Variants in CETP observed in about 807,000 individuals in gnomAD.
CETP encodes the protein cholesteryl ester transfer protein, also known as BPI fold containing family F.
In CETP, 56 loss-of-function variants were observed where a neutral mutation model predicts 66.5. The observed-to-expected ratio is 0.84, with a 90% CI of 0.68 to 1.05. The LOEUF is 1.05. Ranked by LOEUF, CETP falls within the 50% of genes least tolerant of loss-of-function variation. CETP has a pLI of 0.00. For missense variants in CETP, 612 were observed against 609.6 expected, an observed-to-expected ratio of 1.00 and a Z score of -0.04; for synonymous variants, 251 against 245.7, an observed-to-expected ratio of 1.02 and a Z score of -0.20.
Position 56,971,122 on chromosome 16 carries a change from T to A in CETP, c.597+20T>A, listed in dbSNP as rs1446794266. 1 of 1,611,726 alleles carries A rather than the reference T, an allele frequency of 6.2e-7. No individual in the cohort carries two copies. On this transcript the variant is annotated intron_variant, in intron 6 of 15. Transcript: ENST00000200676. ...GGACAGGTGAGTGAGGCTGGCTGAC[T>A]CCCTGTGGTCCAGGGCCATGCCCAG...
chr16:56,968,036 G>A (rs2056080766), intron 2 of CETP, among the ~76,000 whole-genome samples: 1 of 151,132 alleles, frequency 6.6e-6, no homozygotes, highest in Non-Finnish European at 1.5e-5. Flanking sequence ...TATACCAGAA[G>A]TCTTTGCCAA....
chr16:56,980,254 T>G (rs1320624486), intron 11 of CETP, among the ~76,000 whole-genome samples: 1 of 152,174 alleles, frequency 6.6e-6, no homozygotes, highest in Non-Finnish European at 1.5e-5. Context: ...GTTGTTTGTT[T>G]GTTTGTTTGT....
At chr16:56,971,724 A>C (rs573068767) in intron 7 of CETP, among the ~76,000 whole-genome samples, 1 of 152,154 alleles carries the variant, frequency 6.6e-6, no homozygotes, top group Non-Finnish European at 1.5e-5. Flanking sequence ...GTACTCTCCT[A>C]TGCAGTACAG....
chr16:56,961,950 G>A lies in CETP; in HGVS notation c.-30G>A, dbSNP rs370507501. On this transcript the variant is annotated 5_prime_UTR_variant, in exon 1 of 16. Transcript: ENST00000200676. ...ATACGGGCTCCAGGCTGAACGGCTC[G>A]GGCCACTTACACACCACTGCCTGAT... 5.7e-6 allele frequency: 9 copies of A among 1,570,476 alleles called. No homozygotes were observed. The highest frequency in any genetic ancestry group is 3.3e-5 in the South Asian group (3 of 90,182).
Position 56,983,631 on chromosome 16 carries a change from C to G in CETP, c.1447C>G (p.His483Asp). Residue 483 changes from histidine (H) to aspartate (D), a missense_variant, in exon 16 of 16, where the codon CAC becomes GAC. Transcript: ENST00000200676. ...GCAGATGGACTTTGGCTTCCCTGAG[C>G]ACCTGCTGGTGGATTTCCTCCAGAG... ...LLQMDFGFPE[H>D]LLVDFLQSLS The G allele has an allele frequency of 6.2e-7, 1 of 1,614,196 alleles. No homozygotes were observed. The highest frequency in any genetic ancestry group is 8.5e-7 in the Non-Finnish European group (1 of 1,180,036).
chr16:56,979,154 G>A (rs1473636610), intron 11 of CETP, among the ~76,000 whole-genome samples: 1 of 152,070 alleles, frequency 6.6e-6, no homozygotes. Flanking sequence ...GCTGAGCAGT[G>A]GACAATGGTG....
intron 13 of CETP, 51 bp downstream of exon 13, chr16:56,981,731 C>T (rs775453312): frequency 6.3e-7 from 1 of 1,594,372 alleles, no homozygotes; most frequent in African/African-American, 1.3e-5. Flanking sequence ...GGACCTCCTG[C>T]CTTAAAGAAA....
intron 14 of CETP, among the ~76,000 whole-genome samples, chr16:56,982,519 A>T (rs289739): frequency 6.6e-6 from 1 of 152,204 alleles, no homozygotes; most frequent in Non-Finnish European, 1.5e-5. Flanking sequence ...TAGCAACCTG[A>T]TATAGCAGAA....
intron 7 of CETP, 105 bp from the exon 8 acceptor site, chr16:56,971,887 G>A (rs899191534): frequency 1.3e-5 from 13 of 978,128 alleles, no homozygotes; most frequent in Non-Finnish European, 2.1e-5. Flanking sequence ...TTACAGAGGG[G>A]AACACTGAGG....
intron 2 of CETP, among the ~76,000 whole-genome samples, chr16:56,968,730 T>G (rs1221940658): frequency 2.8e-4 from 32 of 116,192 alleles, no homozygotes; most frequent in African/African-American, 1.3e-3. Context: ...AGTCTTCTTC[T>G]TTTTTTTTTT....
chr16:56,982,644 T>G (rs1284332055), intron 14 of CETP, among the ~76,000 whole-genome samples: 1 of 152,202 alleles, frequency 6.6e-6, no homozygotes, highest in Non-Finnish European at 1.5e-5. Context: ...CTTTTGACCT[T>G]GAAATGGTAG....
chr16:56,972,385 TG>T (rs1205747251), intron 8 of CETP, among the ~76,000 whole-genome samples: 1 of 76,210 alleles, frequency 1.3e-5, no homozygotes, highest in Admixed American at 1.3e-4. Context: ...CAGTGGATTG[TG>T]GCCCCCCCCC....
intron 1 of CETP, 199 bp downstream of exon 1, chr16:56,962,296 G>A: frequency 1.3e-6 from 1 of 742,716 alleles, no homozygotes; most frequent in East Asian, 2.5e-5. Context: ...CAAGTTCTTT[G>A]GTGAGAAGGT....
intron 2 of CETP, among the ~76,000 whole-genome samples, chr16:56,964,319 G>A (rs1302282641): frequency 2.6e-5 from 4 of 152,158 alleles, no homozygotes; most frequent in Non-Finnish European, 4.4e-5. Context: ...GAGCCACAGC[G>A]TCCGGCCTAT....
At chr16:56,969,775 C>T in intron 4 of CETP, 94 bp downstream of exon 4, 2 of 1,559,160 alleles carry the variant, frequency 1.3e-6, no homozygotes, top group Non-Finnish European at 1.8e-6. Context: ...GGTTCTGGGG[C>T]CACCAAAGGA....
Position 56,973,316 on chromosome 16 carries a change from C to A in CETP, c.751-15C>A, listed in dbSNP as rs775689281. The A allele has an allele frequency of 6.2e-7, 1 of 1,613,982 alleles. No homozygotes were observed. The highest frequency in any genetic ancestry group is 8.5e-7 in the Non-Finnish European group (1 of 1,179,920). ...GGGACACACAGGGTCCAGCCAGCGTCCTGGCTTCCTCCAGGGTCATTTCAT... is the reference window on the plus strand; with the variant it reads ...GGGACACACAGGGTCCAGCCAGCGTACTGGCTTCCTCCAGGGTCATTTCAT... On this transcript the variant is annotated splice_polypyrimidine_tract_variant and intron_variant, in intron 8 of 15. Coordinates refer to ENST00000200676, the MANE Select transcript of CETP (RefSeq NM_000078.3).
intron 14 of CETP, among the ~76,000 whole-genome samples, chr16:56,982,673 G>A (rs1009565673): frequency 6.6e-6 from 1 of 152,140 alleles, no homozygotes; most frequent in African/African-American, 2.4e-5. Context: ...TCCCTTTGAG[G>A]TGACTCGGAT....
chr16:56,970,110 A>T (rs2056099473), intron 5 of CETP, 109 bp downstream of exon 5: 2 of 1,000,350 alleles, frequency 2.0e-6, no homozygotes, highest in African/African-American at 1.6e-5. Context: ...TGGGTGGCCA[A>T]ACCTGAGGGC....
chr16:56,962,375 C>T lies in CETP; in HGVS notation c.118+278C>T, dbSNP rs1243635320. The T allele has an allele frequency of 1.0e-5, 7 of 679,578 alleles. No individual in the cohort carries two copies. The East Asian group carries it at 1.8e-4, about 18-fold the overall frequency. The allele number at this position is 679,578 out of a possible 1,614,324, so 42.1% of individuals were successfully genotyped here. A position where few individuals can be genotyped will look rare whatever the true frequency, so the allele number is the denominator to read the frequency against. Reference sequence around the variant, plus strand: ...TCTGAGACCCAGAATCACTGGGGTTCGAGTTAGGGTTCAGATCTGAGCCAG... The same window carrying T: ...TCTGAGACCCAGAATCACTGGGGTTTGAGTTAGGGTTCAGATCTGAGCCAG... On this transcript the variant is annotated intron_variant, in intron 1 of 15. Transcript: ENST00000200676.
Sources: allele counts gnomAD v4.1 joint callset (sites outside exome capture counted in the v4.1 genomes callset), GRCh38; gene constraint gnomAD v4.1.1; transcripts MANE v1.5; gene names NCBI Gene and HGNC (gene_info 2026-07-23, HGNC 2026-07-21).